Variants in FHL2 observed in about 807,000 individuals in gnomAD.
FHL2 encodes the protein four and a half LIM domains 2.
FHL2 carries 20 observed loss-of-function variants against 32.7 expected under a neutral mutation model. The observed-to-expected ratio is 0.61, with a 90% CI of 0.43 to 0.89. The LOEUF (loss-of-function observed/expected upper bound fraction) is 0.89, where lower values mean the gene tolerates loss of function less well. Ranked by LOEUF, FHL2 falls within the 40% of genes least tolerant of loss-of-function variation. The pLI is 0.00. For synonymous variants in FHL2, 123 were observed against 128.1 expected (o/e 0.96, Z 0.27); for missense variants, 311 against 358.6 (o/e 0.87, Z 1.07).
chr2:105,405,022 A>T (rs1201805393), intron 1 of FHL2, among the ~76,000 whole-genome samples: 6 of 152,208 alleles, frequency 3.9e-5, no homozygotes, highest in Non-Finnish European at 8.8e-5. Context: ...TGTTTGGTAC[A>T]TTAATGACCA....
At chr2:105,429,732 CAGCAACTATAGCTCCTT>C (rs1271325281) in intron 1 of FHL2, among the ~76,000 whole-genome samples, 1 of 152,210 alleles carries the variant, frequency 6.6e-6, no homozygotes, top group East Asian at 1.9e-4. Flanking sequence ...GAAACTAGTA[CAGCAACTATAGCTCCTT>C]AGTTCAGATA....
chr2:105,386,756 CTTTTTTTT>C (rs11380471), intron 2 of FHL2, among the ~76,000 whole-genome samples: 1 of 48,962 alleles, frequency 2.0e-5, no homozygotes, highest in Non-Finnish European at 3.6e-5. Context: ...ATGCATTCCA[CTTTTTTTT>C]TTTTTTTTTT....
At chr2:105,419,908 A>G (rs1684048317) in intron 1 of FHL2, among the ~76,000 whole-genome samples, 1 of 152,208 alleles carries the variant, frequency 6.6e-6, no homozygotes. Flanking sequence ...CCTCCCCTAT[A>G]CTACATAGTC....
chr2:105,370,767 G>C (rs963939865), intron 4 of FHL2, among the ~76,000 whole-genome samples: 1 of 152,182 alleles, frequency 6.6e-6, no homozygotes, highest in East Asian at 1.9e-4. Flanking sequence ...CATACACCGG[G>C]ATTCTTCTAG....
intron 1 of FHL2, among the ~76,000 whole-genome samples, chr2:105,426,261 A>G (rs1353387318): frequency 6.6e-6 from 1 of 152,192 alleles, no homozygotes; most frequent in Non-Finnish European, 1.5e-5. Context: ...CTAAAAGGCA[A>G]TGTGCATTCT....
At chr2:105,420,757 C>A (rs1457581988) in intron 1 of FHL2, among the ~76,000 whole-genome samples, 2 of 152,138 alleles carry the variant, frequency 1.3e-5, no homozygotes, top group Non-Finnish European at 2.9e-5. Context: ...TAGATTCTCA[C>A]AAGGGGCATG....
chr2:105,367,266 G>A (rs1000836597), intron 5 of FHL2, among the ~76,000 whole-genome samples: 10 of 152,112 alleles, frequency 6.6e-5, no homozygotes, highest in African/African-American at 2.2e-4. Context: ...AGACAGCTTT[G>A]GGATGGTGGC....
chr2:105,386,584 T>G, intron 2 of FHL2, 44 bp from the exon 3 acceptor site: 1 of 1,574,970 alleles, frequency 6.3e-7, no homozygotes, highest in Non-Finnish European at 8.7e-7. Context: ...AAGCACTCTC[T>G]GAAAGGGGTG....
chr2:105,373,252 G>A (rs538920278), intron 4 of FHL2, among the ~76,000 whole-genome samples: 1 of 152,208 alleles, frequency 6.6e-6, no homozygotes, highest in Non-Finnish European at 1.5e-5. Flanking sequence ...TATCTATGGT[G>A]GTGGGAGAGT....
chr2:105,428,650 G>C (rs997202114), intron 1 of FHL2, among the ~76,000 whole-genome samples: 1 of 152,192 alleles, frequency 6.6e-6, no homozygotes, highest in African/African-American at 2.4e-5. Flanking sequence ...CTGCCACCTT[G>C]CTAGGCTGGT....
chr2:105,377,495 G>T (rs111352394), intron 3 of FHL2, among the ~76,000 whole-genome samples: 2,340 of 152,198 alleles, frequency 0.015, 44 homozygotes, highest in Non-Finnish European at 0.025. Context: ...GCCAGGCGTG[G>T]TGGTGCATGC....
chr2:105,373,381 A>G, intron 4 of FHL2, 178 bp downstream of exon 4: 1 of 662,930 alleles, frequency 1.5e-6, no homozygotes, highest in Non-Finnish European at 2.7e-6. Flanking sequence ...ACTGCCCATG[A>G]TAGAACCTGT....
rs1238125492 is a variant in FHL2 at position 105,378,400 on chromosome 2, T to A, written c.157-4667A>T. The A allele has an allele frequency of 6.3e-5, 22 of 348,316 alleles. 1 individual carries two copies. The highest frequency in any genetic ancestry group is 1.1e-4 in the Non-Finnish European group (19 of 177,776). The allele number at this position is 348,316 out of a possible 1,614,324, so 21.6% of individuals were successfully genotyped here. Reference sequence around the variant, plus strand: ...CCCACCTCGCAAGGTGAAGGCCGCATTCTCTCAGGACAACCTGGTCTGCTA... The same window carrying A: ...CCCACCTCGCAAGGTGAAGGCCGCAATCTCTCAGGACAACCTGGTCTGCTA... On this transcript the variant is annotated intron_variant, in intron 3 of 6. Coordinates refer to ENST00000530340, the MANE Select transcript of FHL2 (RefSeq NM_001318895.3).
chr2:105,381,509 G>A (rs13421905), intron 3 of FHL2, among the ~76,000 whole-genome samples: 71,031 of 151,806 alleles, frequency 0.47, 17,658 homozygotes, highest in African/African-American at 0.63. Flanking sequence ...CGGTGCATGC[G>A]AGGTCACTGC....
At chr2:105,391,597 A>C (rs755039846) in intron 2 of FHL2, among the ~76,000 whole-genome samples, 3 of 152,200 alleles carry the variant, frequency 2.0e-5, no homozygotes, top group Non-Finnish European at 2.9e-5. Flanking sequence ...CCTCGCAGGC[A>C]GTGGAGAAAC....
intron 3 of FHL2, chr2:105,376,514 T>C (rs1400666441): frequency 1.3e-5 from 2 of 152,218 alleles, no homozygotes; most frequent in East Asian, 3.8e-4. Flanking sequence ...ATCTGCCTAA[T>C]TTAAGAAGAG....
rs575257287 is a variant in FHL2, at chr2:105,369,621, A to G, written c.332-1882T>C. Among the ~76,000 whole-genome samples, 16 of 152,366 alleles carry G rather than the reference A, an allele frequency of 1.1e-4. No homozygotes were observed. In the South Asian group the frequency reaches 3.3e-3, roughly 32 times the overall value. ...GGTGATGAATCCTAAAACAAACATT[A>G]CATGAAGCAATTGAAATTCAAGTAA... On this transcript the variant is annotated intron_variant, in intron 4 of 6. Coordinates refer to ENST00000530340, the MANE Select transcript of FHL2 (RefSeq NM_001318895.3).
At chr2:105,399,894 C>T (rs1683400528), upstream of FHL2, among the ~76,000 whole-genome samples, 1 of 152,172 alleles carries the variant, frequency 6.6e-6, no homozygotes, top group Non-Finnish European at 1.5e-5. Context: ...GCGTCCTCGG[C>T]ACTTTGGGGG....
chr2:105,372,411 G>A (rs529029300), intron 4 of FHL2, among the ~76,000 whole-genome samples: 134 of 152,102 alleles, frequency 8.8e-4, no homozygotes, highest in Admixed American at 3.5e-3. Flanking sequence ...ATTTTTAGTA[G>A]AGACAGCGTT....
Sources: gnomAD v4.1 joint callset for allele counts (sites outside exome capture counted in the v4.1 genomes callset) on GRCh38, gnomAD v4.1.1 for gene constraint, MANE v1.5 for transcripts, NCBI Gene and HGNC (gene_info 2026-07-23, HGNC 2026-07-21) for gene names.